Variants in NF1 observed in about 807,000 individuals in gnomAD.
NF1 encodes the protein neurofibromin.
NF1 carries 122 observed loss-of-function variants against 325.7 expected under a neutral mutation model. The observed-to-expected ratio is 0.37, with a 90% confidence interval of 0.32 to 0.44. The LOEUF is 0.44. Ranked by LOEUF, NF1 falls within the 20% of genes least tolerant of loss-of-function variation. The pLI is 1.00. For missense variants in NF1, 2,140 were observed against 3,415.4 expected (o/e 0.63, Z 9.31); for synonymous variants, 1,091 against 1,186.0 (o/e 0.92, Z 1.65).
intron 36 of NF1, among the ~76,000 whole-genome samples, chr17:31,301,769 A>G (rs2068578598): frequency 6.6e-6 from 1 of 152,188 alleles, no homozygotes; most frequent in African/African-American, 2.4e-5. Context: ...TAGTTAACAA[A>G]CAAAAGGAGT....
chr17:31,351,455 C>T (rs1289859427), intron 50 of NF1, among the ~76,000 whole-genome samples: 2 of 152,040 alleles, frequency 1.3e-5, no homozygotes, highest in Admixed American at 6.6e-5. Context: ...CTTGCTCTGT[C>T]GCCCAGGCTG....
At chr17:31,120,512 C>T (rs557955371) in intron 1 of NF1, among the ~76,000 whole-genome samples, 18 of 152,224 alleles carry the variant, frequency 1.2e-4, no homozygotes, top group African/African-American at 4.1e-4. Context: ...TGGGCTGAGA[C>T]GATAGGGTTT....
At chr17:31,197,237 G>A (rs527652955) in intron 8 of NF1, among the ~76,000 whole-genome samples, 8 of 151,650 alleles carry the variant, frequency 5.3e-5, no homozygotes, top group East Asian at 1.9e-4. Context: ...TAGTAGAAAC[G>A]GGGTTTCACC....
chr17:31,283,063 T>C (rs2068152481), intron 36 of NF1, among the ~76,000 whole-genome samples: 1 of 152,214 alleles, frequency 6.6e-6, no homozygotes, highest in Non-Finnish European at 1.5e-5. Flanking sequence ...TTCCGGGTCT[T>C]AGATGTCTTT....
At position 31,376,708 on chromosome 17, in the gene NF1, ATTATAAGT is replaced by A. The variant is rs1336285181; in HGVS notation, c.*2554_*2561del. 4.4e-6 allele frequency: 1 copy of A among 229,876 alleles called. No homozygotes were observed. Among genetic ancestry groups the A allele is most frequent in the Non-Finnish European group, 8.5e-6 (1 of 117,944 alleles). 14.2% of individuals were successfully genotyped at this position (229,876 alleles called of 1,614,324 possible). ...AATTGACATAAGTTCTGTTAAAAAT[ATTATAAGT>A]AATTCGTTTCGGTTTGTAGATGTTT... On this transcript the variant is annotated 3_prime_UTR_variant, in exon 58 of 58. Transcript: ENST00000358273.
chr17:31,296,205 C>T (rs1172607871), intron 36 of NF1: 2 of 1,613,966 alleles, frequency 1.2e-6, no homozygotes, highest in South Asian at 2.2e-5. Context: ...AAGTTTCTGC[C>T]TGAACAGTCC....
rs1037450200 is a variant in NF1 at position 31,219,209 on chromosome 17, A to G, written c.1641+91A>G. 7.6e-6 allele frequency: 10 copies of G among 1,321,396 alleles called. No individual in the cohort carries two copies. The Admixed American group carries it at 1.8e-4, about 23-fold the overall frequency. 81.9% of individuals were successfully genotyped at this position (1,321,396 alleles called of 1,614,324 possible). On this transcript the variant is annotated intron_variant, in intron 14 of 57. Transcript: ENST00000358273. ...CTTTGGTGTGTGGTTTCTGTGAGTA[A>G]CAGGTAGATGTCATTTCTGGAAATG...
chr17:31,265,449 A>G (rs961678009), intron 36 of NF1, 110 bp downstream of exon 36: 2 of 784,732 alleles, frequency 2.5e-6, no homozygotes, highest in African/African-American at 1.7e-5. Flanking sequence ...AATTGAAGAC[A>G]AGTTTACTTG....
chr17:31,271,404 A>G (rs2067893059), intron 36 of NF1, among the ~76,000 whole-genome samples: 1 of 152,146 alleles, frequency 6.6e-6, no homozygotes, highest in African/African-American at 2.4e-5. Context: ...TGAATGTGTT[A>G]TTTTGTAGAG....
At chr17:31,337,612 G>T (rs2151556794) in intron 43 of NF1, 30 bp downstream of exon 43, 1 of 1,596,430 alleles carries the variant, frequency 6.3e-7, no homozygotes, top group South Asian at 1.1e-5. Context: ...AAGAAACTAA[G>T]TTAAAATCTT....
At chr17:31,271,836 C>T (rs2067904463) in intron 36 of NF1, among the ~76,000 whole-genome samples, 1 of 151,836 alleles carries the variant, frequency 6.6e-6, no homozygotes, top group Non-Finnish European at 1.5e-5. Context: ...TATCCCCTAT[C>T]CTTCATCTCT....
chr17:31,304,143 C>T (rs2068642393), intron 36 of NF1: 9 of 1,035,850 alleles, frequency 8.7e-6, no homozygotes, highest in African/African-American at 3.2e-5. Flanking sequence ...GAGCAGATTT[C>T]AGATAGTTCC....
intron 56 of NF1, chr17:31,360,174 C>T (rs973454833): frequency 7.7e-6 from 3 of 390,526 alleles, no homozygotes; most frequent in African/African-American, 4.1e-5. Flanking sequence ...ATGCTCTGCT[C>T]ATTTTCTCTG....
intron 27 of NF1, among the ~76,000 whole-genome samples, chr17:31,235,095 C>T (rs1451068451): frequency 6.6e-6 from 1 of 152,070 alleles, no homozygotes; most frequent in Non-Finnish European, 1.5e-5. Flanking sequence ...TCTGAATGCC[C>T]AATTCCTTTT....
At chr17:31,240,495 G>A (rs1310601208) in intron 29 of NF1, among the ~76,000 whole-genome samples, 2 of 152,154 alleles carry the variant, frequency 1.3e-5, no homozygotes, top group African/African-American at 4.8e-5. Flanking sequence ...AGACACTTAG[G>A]TTGCTTCCAA....
chr17:31,135,677 C>T (rs1915712983), intron 1 of NF1, among the ~76,000 whole-genome samples: 2 of 152,140 alleles, frequency 1.3e-5, no homozygotes. Flanking sequence ...AGTGATCCTC[C>T]CAGCTCAGCC....
At chr17:31,247,936 C>T (rs1400463711) in intron 29 of NF1, among the ~76,000 whole-genome samples, 13 of 152,204 alleles carry the variant, frequency 8.5e-5, no homozygotes, top group Admixed American at 6.5e-4. Flanking sequence ...GGCGTGGTGG[C>T]TTATGCCTGT....
At chr17:31,345,815 C>T (rs984895549) in intron 48 of NF1, 139 of 1,613,972 alleles carry the variant, frequency 8.6e-5, no homozygotes, top group Admixed American at 2.3e-4. Flanking sequence ...AAGCCGAAGC[C>T]CTGGACAAAA....
intron 29 of NF1, among the ~76,000 whole-genome samples, chr17:31,245,492 A>G (rs747113090): frequency 1.3e-5 from 2 of 152,344 alleles, no homozygotes; most frequent in African/African-American, 2.4e-5. Flanking sequence ...TCAGATGCCA[A>G]TTACAAGCCC....
Sources: allele counts gnomAD v4.1 joint callset (sites outside exome capture counted in the v4.1 genomes callset), GRCh38; gene constraint gnomAD v4.1.1; transcripts MANE v1.5; gene names NCBI Gene and HGNC (gene_info 2026-07-23, HGNC 2026-07-21).